The following ADARB2 variants were observed in gnomAD, a reference collection of about 807,000 sequenced individuals.
ADARB2 encodes the protein inactive double-stranded RNA-specific editase B2.
In ADARB2, 25 loss-of-function variants were observed where a neutral mutation model predicts 62.2. That is an observed-to-expected ratio of 0.40 (90% CI 0.29 to 0.56). ADARB2 has a LOEUF of 0.56. Ranked by LOEUF, ADARB2 falls within the 20% of genes least tolerant of loss-of-function variation. The pLI is 0.43. For synonymous variants in ADARB2, 572 were observed against 500.8 expected (o/e 1.14, Z -1.90); for missense variants, 1,071 against 1,077.4 (o/e 0.99, Z 0.08).
intron 7 of ADARB2, among the ~76,000 whole-genome samples, chr10:1,206,202 C>T (rs190806940): frequency 2.0e-5 from 3 of 152,344 alleles, no homozygotes; most frequent in East Asian, 1.9e-4. Context: ...AAAATTCCTT[C>T]GCACGAGAGT....
At chr10:1,453,419 T>C (rs1352029536) in intron 1 of ADARB2, among the ~76,000 whole-genome samples, 2 of 152,230 alleles carry the variant, frequency 1.3e-5, no homozygotes, top group South Asian at 2.1e-4. Flanking sequence ...CTTTGATCCA[T>C]GTTGAATTGA....
At chr10:1,381,308 T>C (rs1206796219) in intron 1 of ADARB2, among the ~76,000 whole-genome samples, 1 of 152,244 alleles carries the variant, frequency 6.6e-6, no homozygotes, top group Non-Finnish European at 1.5e-5. Flanking sequence ...CACATGGAAA[T>C]GTAATCAACA....
chr10:1,478,143 G>A (rs1299284466), intron 1 of ADARB2, among the ~76,000 whole-genome samples: 1 of 152,252 alleles, frequency 6.6e-6, no homozygotes, highest in Admixed American at 6.5e-5. Flanking sequence ...TGGGAGCTCT[G>A]CTGGGCCTTT....
At position 1,242,186 on chromosome 10, in the gene ADARB2, C is replaced by G; in HGVS notation, c.1306G>C (p.Val436Leu). ...AAGTGCAGGAACGCCCGCCGGGCCA[C>G]GACCTCCGCGTGGCAGTCATTCACC... Reference protein sequence around the residue: ...LVVNDCHAEVVARRAFLHFLY... With the variant: ...LVVNDCHAEVLARRAFLHFLY... Residue 436 changes from valine to leucine, a missense_variant, in exon 5 of 10, where the codon GTG (valine) becomes CTG (leucine). Val to Leu is a conservative substitution (Grantham distance 32). Coordinates refer to ENST00000381312, the MANE Select transcript of ADARB2 (RefSeq NM_018702.4). 5 of 1,610,544 alleles carry G rather than the reference C, an allele frequency of 3.1e-6. No individual in the cohort carries two copies. Among genetic ancestry groups the G allele is most frequent in the Non-Finnish European group, 4.2e-6 (5 of 1,179,462 alleles).
intron 3 of ADARB2, among the ~76,000 whole-genome samples, chr10:1,351,293 G>A (rs1037952975): frequency 7.2e-5 from 11 of 152,070 alleles, no homozygotes; most frequent in Non-Finnish European, 2.9e-5. Context: ...CACAGTGGAA[G>A]GTAAGTCCGT....
At position 1,670,852 on chromosome 10, in the gene ADARB2, G is replaced by A. The variant is rs561879666; in HGVS notation, c.100+66199C>T. Among the ~76,000 whole-genome samples the A allele has an allele frequency of 1.3e-4, 20 of 152,304 alleles. No individual in the cohort carries two copies. The South Asian group carries it at 1.5e-3, about 11-fold the overall frequency. ...AGGAGCAGGTGATTAGGACGTCTGC[G>A]CAGGAGCCGTGGCAAAAACGCTTCC... On this transcript the variant is annotated intron_variant, in intron 1 of 9. Transcript: ENST00000381312.
At chr10:1,279,933 T>G (rs1831355611) in intron 3 of ADARB2, among the ~76,000 whole-genome samples, 1 of 152,206 alleles carries the variant, frequency 6.6e-6, no homozygotes, top group Non-Finnish European at 1.5e-5. Context: ...GCTCAGGACT[T>G]CACACCTTAG....
chr10:1,461,070 G>A (rs1344700601), intron 1 of ADARB2, among the ~76,000 whole-genome samples: 1 of 152,254 alleles, frequency 6.6e-6, no homozygotes, highest in Non-Finnish European at 1.5e-5. Context: ...CTACTCAGAT[G>A]AGAAAAGTAG....
intron 1 of ADARB2, among the ~76,000 whole-genome samples, chr10:1,559,686 C>T (rs1336236962): frequency 2.0e-5 from 3 of 152,210 alleles, no homozygotes; most frequent in East Asian, 1.9e-4. Context: ...ACAAATGCCT[C>T]GCTTAGCGAC....
intron 1 of ADARB2, among the ~76,000 whole-genome samples, chr10:1,660,853 C>T (rs7922037): frequency 0.24 from 35,856 of 152,090 alleles, 4,593 homozygotes; most frequent in Middle Eastern, 0.31. Flanking sequence ...CTTGGACAAA[C>T]GCCACCATTT....
At chr10:1,227,060 C>G (rs1830754267) in intron 6 of ADARB2, among the ~76,000 whole-genome samples, 1 of 152,270 alleles carries the variant, frequency 6.6e-6, no homozygotes, top group Non-Finnish European at 1.5e-5. Flanking sequence ...CCAGTTTGAG[C>G]TTCCAGGCTG....
chr10:1,609,110 C>G (rs1833534613), intron 1 of ADARB2, among the ~76,000 whole-genome samples: 1 of 152,208 alleles, frequency 6.6e-6, no homozygotes, highest in South Asian at 2.1e-4. Flanking sequence ...GCGTCGCTGG[C>G]CTTTGGTCCC....
At chr10:1,481,629 T>TGG (rs1475368013) in intron 1 of ADARB2, among the ~76,000 whole-genome samples, 9 of 21,176 alleles carry the variant, frequency 4.3e-4, no homozygotes, top group East Asian at 0.026. Context: ...CCAGCTGAAG[T>TGG]GTGCGGATCA....
At chr10:1,403,738 C>A (rs932260258) in intron 1 of ADARB2, among the ~76,000 whole-genome samples, 3 of 152,200 alleles carry the variant, frequency 2.0e-5, no homozygotes, top group Admixed American at 2.0e-4. Context: ...AGGACAAGTT[C>A]CTCTGTAACC....
chr10:1,297,728 C>G (rs553919287), intron 3 of ADARB2, among the ~76,000 whole-genome samples: 26 of 152,268 alleles, frequency 1.7e-4, no homozygotes, highest in African/African-American at 6.0e-4. Context: ...CTCCTGCCAC[C>G]GGGGGGCACA....
chr10:1,308,021 G>T (rs1367331104), intron 3 of ADARB2, among the ~76,000 whole-genome samples: 1 of 149,254 alleles, frequency 6.7e-6, no homozygotes, highest in Non-Finnish European at 1.5e-5. Context: ...CATGGCACAT[G>T]TATACATATG....
intron 1 of ADARB2, among the ~76,000 whole-genome samples, chr10:1,448,470 C>T (rs1379846707): frequency 6.6e-6 from 1 of 152,194 alleles, no homozygotes; most frequent in African/African-American, 2.4e-5. Context: ...TGCCCAAATC[C>T]CTCCTCCTTG....
chr10:1,633,018 G>T (rs180729308), intron 1 of ADARB2, among the ~76,000 whole-genome samples: 1 of 152,262 alleles, frequency 6.6e-6, no homozygotes, highest in East Asian at 1.9e-4. Flanking sequence ...AGGGTGGATC[G>T]CCTCTGCTGG....
At chr10:1,242,092 G>GCC in intron 5 of ADARB2, 39 bp downstream of exon 5, 1 of 1,552,290 alleles carries the variant, frequency 6.4e-7, no homozygotes, top group Non-Finnish European at 8.7e-7. Flanking sequence ...CCCCAGCCGC[G>GCC]GCGTCCGCCT....
Sources: gnomAD v4.1 joint callset for allele counts (sites outside exome capture counted in the v4.1 genomes callset) on GRCh38, gnomAD v4.1.1 for gene constraint, MANE v1.5 for transcripts, NCBI Gene and HGNC (gene_info 2026-07-23, HGNC 2026-07-21) for gene names.